COL14A1: variants seen among roughly 807,000 people sequenced by gnomAD.
COL14A1 encodes collagen alpha-1(XIV) chain.
Under a neutral mutation model 230.3 loss-of-function variants are expected in COL14A1, and 136 were observed. That is an observed-to-expected ratio of 0.59 (90% CI 0.51 to 0.68). COL14A1 has a LOEUF of 0.68. Among genes scored for constraint, COL14A1 ranks in the 30% least tolerant of loss-of-function variants. The pLI, the probability that COL14A1 is intolerant of heterozygous loss-of-function variation, is 0.00. For missense variants in COL14A1, 1,976 were observed against 2,215.8 expected, an observed-to-expected ratio of 0.89 and a Z score of 2.17; for synonymous variants, 792 against 784.1, an observed-to-expected ratio of 1.01 and a Z score of -0.17.
At chr8:120,340,134 G>GTGTGTA (rs1822243360) in intron 42 of COL14A1, among the ~76,000 whole-genome samples, 1 of 150,488 alleles carries the variant, frequency 6.6e-6, no homozygotes, top group Non-Finnish European at 1.5e-5. Flanking sequence ...GTGTGTGTGT[G>GTGTGTA]TATTGAATAG....
chr8:120,269,640 G>A (rs930280679), intron 25 of COL14A1, among the ~76,000 whole-genome samples: 5 of 151,702 alleles, frequency 3.3e-5, no homozygotes, highest in African/African-American at 1.2e-4. Context: ...AAAAGGACAG[G>A]GTGCACAGAG....
intron 42 of COL14A1, among the ~76,000 whole-genome samples, chr8:120,337,430 A>G (rs1017398542): frequency 1.3e-5 from 2 of 151,828 alleles, no homozygotes; most frequent in African/African-American, 4.8e-5. Context: ...AAAAAAGAAA[A>G]AAGAAAAAAA....
At chr8:120,315,668 C>A in intron 39 of COL14A1, 82 bp downstream of exon 39, 1 of 1,154,290 alleles carries the variant, frequency 8.7e-7, no homozygotes, top group Non-Finnish European at 1.3e-6. Context: ...CTTCTGAAGT[C>A]AGTTGTGATC....
Position 120,197,793 on chromosome 8 carries a change from C to T in COL14A1, c.593-18C>T, listed in dbSNP as rs756007698. 1.3e-6 allele frequency: 2 copies of T among 1,596,508 alleles called. No individual in the cohort carries two copies. The highest frequency in any genetic ancestry group is 2.3e-5 in the South Asian group (2 of 87,678). On this transcript the variant is annotated intron_variant, in intron 6 of 47. Transcript: ENST00000297848. ...GTAACCCATTATTCCTGGTGCGTTT[C>T]CTAATCTTTTTTTCCAGGTCTTGCA... is the stretch of plus-strand genomic sequence containing the variant.
chr8:120,325,146 T>C (rs1821614120), intron 40 of COL14A1, among the ~76,000 whole-genome samples: 1 of 152,228 alleles, frequency 6.6e-6, no homozygotes, highest in African/African-American at 2.4e-5. Flanking sequence ...TCAGGTATAC[T>C]TTTGCTGATA....
chr8:120,139,840 A>G (rs1814840700), intron 1 of COL14A1, among the ~76,000 whole-genome samples: 1 of 152,134 alleles, frequency 6.6e-6, no homozygotes, highest in Non-Finnish European at 1.5e-5. Flanking sequence ...CCTAGGCAAC[A>G]AAGTGAGATC....
intron 34 of COL14A1, 83 bp downstream of exon 34, chr8:120,289,849 AG>A (rs1393294314): frequency 7.1e-7 from 1 of 1,408,434 alleles, no homozygotes; most frequent in Non-Finnish European, 9.6e-7. Context: ...TCCAGGGGAA[AG>A]GTTTAACAAA....
At chr8:120,273,293 A>G (rs1183569310) in intron 26 of COL14A1, among the ~76,000 whole-genome samples, 4 of 151,874 alleles carry the variant, frequency 2.6e-5, no homozygotes, top group African/African-American at 9.7e-5. Context: ...CAGTAAAAGC[A>G]GTTCTAAGAG....
At chr8:120,286,786 G>A (rs536090453) in intron 33 of COL14A1, among the ~76,000 whole-genome samples, 128 of 152,328 alleles carry the variant, frequency 8.4e-4, no homozygotes, top group African/African-American at 2.8e-3. Context: ...TGGGATTACA[G>A]GCGTGAGCCA....
chr8:120,282,516 G>A (rs1345424142), intron 31 of COL14A1, among the ~76,000 whole-genome samples: 1 of 152,062 alleles, frequency 6.6e-6, no homozygotes, highest in Non-Finnish European at 1.5e-5. Flanking sequence ...CATATAGTTG[G>A]CACTCAAAAA....
chr8:120,340,037 C>CAAAAA (rs530829054), intron 42 of COL14A1, among the ~76,000 whole-genome samples: 2 of 77,730 alleles, frequency 2.6e-5, no homozygotes, highest in African/African-American at 5.0e-5. Context: ...GACTGCGTCT[C>CAAAAA]AAAAAAAAAA....
At chr8:120,272,077 C>T (rs935885809) in intron 26 of COL14A1, among the ~76,000 whole-genome samples, 5 of 151,308 alleles carry the variant, frequency 3.3e-5, no homozygotes, top group Admixed American at 1.3e-4. Context: ...CAAGAAGTAC[C>T]GTAAGAGGAT....
intron 42 of COL14A1, among the ~76,000 whole-genome samples, chr8:120,334,775 G>A (rs1821995377): frequency 6.6e-6 from 1 of 152,138 alleles, no homozygotes; most frequent in East Asian, 1.9e-4. Context: ...TACATCCACA[G>A]TGCCAGACAG....
chr8:120,161,784 C>T (rs1272953035), intron 3 of COL14A1, among the ~76,000 whole-genome samples: 1 of 152,126 alleles, frequency 6.6e-6, no homozygotes, highest in Non-Finnish European at 1.5e-5. Flanking sequence ...CTGCCGCAGC[C>T]TCCTGAGTAG....
intron 40 of COL14A1, among the ~76,000 whole-genome samples, chr8:120,325,933 C>A (rs891811794): frequency 6.6e-6 from 1 of 152,110 alleles, no homozygotes; most frequent in Non-Finnish European, 1.5e-5. Context: ...AGTTGAAGAC[C>A]ATTCAATGAG....
chr8:120,365,417 C>T (rs899344920), intron 45 of COL14A1, among the ~76,000 whole-genome samples: 1 of 152,136 alleles, frequency 6.6e-6, no homozygotes, highest in Non-Finnish European at 1.5e-5. Context: ...TAGTTGTTCC[C>T]TGTTGGCAAA....
At chr8:120,124,586 G>A (rs1216998216), upstream of COL14A1, among the ~76,000 whole-genome samples, 2 of 152,192 alleles carry the variant, frequency 1.3e-5, no homozygotes, top group Admixed American at 6.5e-5. Context: ...CTTAAAGTTT[G>A]AGCATCGCTG....
intron 2 of COL14A1, among the ~76,000 whole-genome samples, chr8:120,148,144 CT>C (rs59311466): frequency 0.028 from 3,439 of 122,948 alleles, 60 homozygotes; most frequent in South Asian, 0.14. Flanking sequence ...ATAGGTCATT[CT>C]TTTTTTTTTT....
At chr8:120,179,588 C>G (rs1431472585) in intron 5 of COL14A1, among the ~76,000 whole-genome samples, 2 of 152,026 alleles carry the variant, frequency 1.3e-5, no homozygotes, top group African/African-American at 4.8e-5. Context: ...TAGGAAGAAT[C>G]AATATTGTGA....
Sources: gnomAD v4.1 joint callset for allele counts (sites outside exome capture counted in the v4.1 genomes callset) on GRCh38, gnomAD v4.1.1 for gene constraint, MANE v1.5 for transcripts, NCBI Gene and HGNC (gene_info 2026-07-23, HGNC 2026-07-21) for gene names.